NFU1: variants seen among roughly 807,000 people sequenced by gnomAD.
The protein encoded by NFU1 is NFU1 iron-sulfur cluster scaffold homolog, mitochondrial.
In NFU1, 30 loss-of-function variants were observed where a neutral mutation model predicts 32.2. The ratio of observed to expected loss-of-function variants is 0.93; its 90% confidence interval spans 0.70 to 1.26. The LOEUF is 1.26. Ranked by LOEUF, NFU1 falls within the 50% of genes most tolerant of loss-of-function variation. NFU1 has a pLI of 0.00. For missense variants in NFU1, 306 were observed against 306.6 expected, an observed-to-expected ratio of 1.00 and a Z score of 0.02; for synonymous variants, 112 against 104.6, an observed-to-expected ratio of 1.07 and a Z score of -0.43.
At chr2:69,412,515 T>C (rs1672918489) in intron 5 of NFU1, among the ~76,000 whole-genome samples, 1 of 151,434 alleles carries the variant, frequency 6.6e-6, no homozygotes, top group African/African-American at 2.4e-5. Flanking sequence ...GCCTCCCGAG[T>C]AGCTGGGATT....
chr2:69,437,532 G>A (rs997199333), upstream of NFU1: 27 of 1,387,332 alleles, frequency 1.9e-5, no homozygotes, highest in Middle Eastern at 1.9e-4. Flanking sequence ...CCTACCGGCT[G>A]CGGGCGGTCC....
chr2:69,416,564 C>A (rs1673062581), intron 4 of NFU1, among the ~76,000 whole-genome samples: 1 of 151,724 alleles, frequency 6.6e-6, no homozygotes, highest in African/African-American at 2.4e-5. Context: ...CAGCCTACAA[C>A]TATTCAAAAA....
chr2:69,420,755 G>A (rs1347188979), intron 3 of NFU1, among the ~76,000 whole-genome samples: 1 of 152,068 alleles, frequency 6.6e-6, no homozygotes, highest in Non-Finnish European at 1.5e-5. Flanking sequence ...TAGTGACAGG[G>A]TTTTATGTAA....
At chr2:69,435,008 G>C (rs1417152575) in intron 1 of NFU1, among the ~76,000 whole-genome samples, 2 of 152,212 alleles carry the variant, frequency 1.3e-5, no homozygotes, top group Admixed American at 1.3e-4. Context: ...GCTAATCTTA[G>C]GTTCTACAAG....
intron 4 of NFU1, 77 bp downstream of exon 4, chr2:69,419,461 T>C: frequency 1.4e-6 from 1 of 726,798 alleles, no homozygotes. Flanking sequence ...AGAATGGAAA[T>C]GTTGGAGAGA....
chr2:69,409,666 C>T (rs937303902), intron 5 of NFU1, among the ~76,000 whole-genome samples: 10 of 152,066 alleles, frequency 6.6e-5, no homozygotes, highest in African/African-American at 2.4e-4. Context: ...GGGAGCTGGC[C>T]CATGCAGAGA....
chr2:69,400,841 T>C (rs1672500816), intron 6 of NFU1, among the ~76,000 whole-genome samples: 1 of 152,188 alleles, frequency 6.6e-6, no homozygotes, highest in African/African-American at 2.4e-5. Flanking sequence ...TCCCAGCAAT[T>C]TGAGAGGCCA....
At position 69,437,013 on chromosome 2, in the gene NFU1, C is replaced by T. The variant is rs140520955; in HGVS notation, c.62+348G>A. On this transcript the variant is annotated intron_variant, in intron 1 of 7. Transcript: ENST00000410022. The stretch of plus-strand genomic sequence containing the variant: ...TCTGCGTTTAGAAGAGGAGGGAATG[C>T]ACCCGGTAGAGGGCCTGGGGGCGGG... Among the ~76,000 whole-genome samples, 176 of 152,346 alleles carry T rather than the reference C, an allele frequency of 1.2e-3. 1 individual carries two copies. Among genetic ancestry groups the T allele is most frequent in the African/African-American group, 4.1e-3 (170 of 41,590 alleles).
chr2:69,416,360 A>T (rs1673053822), intron 4 of NFU1, among the ~76,000 whole-genome samples: 1 of 135,380 alleles, frequency 7.4e-6, no homozygotes, highest in African/African-American at 3.2e-5. Flanking sequence ...ATAATTATTA[A>T]TATATTAGTA....
At chr2:69,432,088 G>C in intron 1 of NFU1, 83 bp from the exon 2 acceptor site, 2 of 861,764 alleles carry the variant, frequency 2.3e-6, no homozygotes, top group South Asian at 2.9e-5. Flanking sequence ...GTATAAAAAA[G>C]ACCTATGTAA....
intron 5 of NFU1, among the ~76,000 whole-genome samples, chr2:69,414,137 G>A (rs1001593780): frequency 1.3e-5 from 2 of 152,106 alleles, no homozygotes; most frequent in Admixed American, 6.6e-5. Context: ...GCTCACTACA[G>A]CAATGTTTTC....
chr2:69,434,381 A>T (rs1278690999), intron 1 of NFU1, among the ~76,000 whole-genome samples: 1 of 151,776 alleles, frequency 6.6e-6, no homozygotes, highest in Non-Finnish European at 1.5e-5. Flanking sequence ...TGACCTCATG[A>T]TCCACTAGCC....
At chr2:69,439,491 G>A (rs13422944), upstream of NFU1, among the ~76,000 whole-genome samples, 11 of 152,320 alleles carry the variant, frequency 7.2e-5, no homozygotes, top group African/African-American at 2.6e-4. Flanking sequence ...CCCAAAGAGT[G>A]AGCCACATCA....
upstream of NFU1, chr2:69,437,634 C>T (rs112224578): frequency 3.1e-3 from 2,058 of 658,238 alleles, 8 homozygotes; most frequent in Non-Finnish European, 4.9e-3. Context: ...TTCCCGTTTG[C>T]GCCAACGCTT....
In NFU1 at chr2:69,412,857, CA is replaced by C. The variant is rs375424451; in HGVS notation, c.484+2327del. On this transcript the variant is annotated intron_variant, in intron 5 of 7. Coordinates refer to ENST00000410022, the MANE Select transcript of NFU1 (RefSeq NM_001002755.4). ...TGGGTGACAGAGCAGGTCACTGTCT[CA>C]AAAAAAAAAAAAAAAAGACACATGA... Among the ~76,000 whole-genome samples, 568 of 103,652 alleles carry C rather than the reference CA, an allele frequency of 5.5e-3. 2 individuals carry two copies. Among genetic ancestry groups the C allele is most frequent in the African/African-American group, 0.016 (477 of 29,954 alleles). The allele number at this position is 103,652 out of a possible 152,430, so 68.0% of individuals were successfully genotyped here.
chr2:69,423,547 T>C (rs1413310173), intron 3 of NFU1, 35 bp downstream of exon 3: 1 of 1,598,678 alleles, frequency 6.3e-7, no homozygotes, highest in Non-Finnish European at 8.5e-7. Flanking sequence ...GTTATTTATG[T>C]TTCTTGGTAA....
upstream of NFU1, among the ~76,000 whole-genome samples, chr2:69,438,133 AAGC>A (rs1478855993): frequency 1.3e-4 from 20 of 152,204 alleles, no homozygotes; most frequent in Non-Finnish European, 2.9e-4. Context: ...GGCCAAAAAA[AAGC>A]AGGAGAACAC....
intron 7 of NFU1, among the ~76,000 whole-genome samples, chr2:69,397,094 A>G (rs1345655161): frequency 1.3e-5 from 2 of 151,998 alleles, no homozygotes; most frequent in African/African-American, 4.8e-5. Context: ...AAACAATTTA[A>G]CTGGTATTCT....
chr2:69,404,615 A>ATTTTTTTTTGTTTTTTTT (rs1672635824), intron 6 of NFU1, among the ~76,000 whole-genome samples: 1 of 73,008 alleles, frequency 1.4e-5, no homozygotes, highest in Non-Finnish European at 2.5e-5. Flanking sequence ...ATCTTAGCAA[A>ATTTTTTTTTGTTTTTTTT]TTTTTTTTTT....
Sources: allele counts gnomAD v4.1 joint callset (sites outside exome capture counted in the v4.1 genomes callset), GRCh38; gene constraint gnomAD v4.1.1; transcripts MANE v1.5; gene names NCBI Gene and HGNC (gene_info 2026-07-23, HGNC 2026-07-21).